The following CNTN5 variants were observed in gnomAD, a reference collection of about 807,000 sequenced individuals.
CNTN5 encodes the protein contactin 5.
A neutral mutation model predicts 129.1 loss-of-function variants in CNTN5; 77 were observed. That is an observed-to-expected ratio of 0.60 (90% CI 0.50 to 0.72). The LOEUF (loss-of-function observed/expected upper bound fraction) is 0.72. Ranked by LOEUF, CNTN5 falls within the 30% of genes least tolerant of loss-of-function variation. The probability of loss-of-function intolerance (pLI) is 0.00; values close to 1 mark genes in which losing one functional copy is unlikely to be tolerated. For synonymous variants in CNTN5, 509 were observed against 465.6 expected, an observed-to-expected ratio of 1.09 and a Z score of -1.20; for missense variants, 1,478 against 1,328.8, an observed-to-expected ratio of 1.11 and a Z score of -1.75.
chr11:99,328,006 A>G (rs2136016187), intron 2 of CNTN5, among the ~76,000 whole-genome samples: 1 of 152,326 alleles, frequency 6.6e-6, no homozygotes, highest in South Asian at 2.1e-4. Context: ...TCATGAAGGG[A>G]AACCTCTAAG....
intron 1 of CNTN5, among the ~76,000 whole-genome samples, chr11:99,107,211 C>T (rs2135370412): frequency 6.6e-6 from 1 of 152,178 alleles, no homozygotes; most frequent in East Asian, 1.9e-4. Context: ...AAATATGTTA[C>T]AACCTTGTTT....
At chr11:99,981,218 C>T (rs1162531339) in intron 8 of CNTN5, among the ~76,000 whole-genome samples, 2 of 151,612 alleles carry the variant, frequency 1.3e-5, no homozygotes, top group Non-Finnish European at 2.9e-5. Context: ...CTGGAATGCT[C>T]ATAGTGTGGC....
intron 3 of CNTN5, among the ~76,000 whole-genome samples, chr11:99,622,837 G>GAAAAAAAAAA (rs139145102): frequency 1.3e-5 from 2 of 149,830 alleles, no homozygotes; most frequent in Non-Finnish European, 1.5e-5. Context: ...TTAGAAAACT[G>GAAAAAAAAAA]AAAAAAAAAG....
chr11:99,338,523 T>A (rs537781217), intron 2 of CNTN5, among the ~76,000 whole-genome samples: 19 of 152,310 alleles, frequency 1.2e-4, no homozygotes, highest in African/African-American at 4.1e-4. Context: ...TGTTGCTGTT[T>A]AATTTTATTT....
intron 1 of CNTN5, among the ~76,000 whole-genome samples, chr11:99,213,054 G>A (rs1262200444): frequency 6.6e-6 from 1 of 151,606 alleles, no homozygotes; most frequent in Non-Finnish European, 1.5e-5. Context: ...AGCTGGGCGT[G>A]GTGGCACACA....
chr11:99,869,424 A>T (rs1414054840), intron 6 of CNTN5, among the ~76,000 whole-genome samples: 2 of 152,186 alleles, frequency 1.3e-5, no homozygotes, highest in Non-Finnish European at 2.9e-5. Context: ...TATATCTTAC[A>T]TTAAAGAGAC....
chr11:100,270,405 T>G (rs1950387672), intron 17 of CNTN5, among the ~76,000 whole-genome samples: 1 of 152,186 alleles, frequency 6.6e-6, no homozygotes, highest in Non-Finnish European at 1.5e-5. Flanking sequence ...TTCTCCACAT[T>G]CTGCCTTTTC....
At chr11:99,833,051 A>G (rs564460921) in intron 4 of CNTN5, among the ~76,000 whole-genome samples, 2 of 152,334 alleles carry the variant, frequency 1.3e-5, no homozygotes, top group East Asian at 3.9e-4. Flanking sequence ...GAGACATGAT[A>G]ATGTTGGGTC....
chr11:99,860,443 T>G (rs1324127565), intron 6 of CNTN5, among the ~76,000 whole-genome samples: 2 of 152,196 alleles, frequency 1.3e-5, no homozygotes, highest in Non-Finnish European at 2.9e-5. Context: ...CTATAGGTCT[T>G]ACATTTAAGT....
intron 3 of CNTN5, among the ~76,000 whole-genome samples, chr11:99,675,115 A>C (rs1380226834): frequency 6.6e-6 from 1 of 152,110 alleles, no homozygotes; most frequent in African/African-American, 2.4e-5. Context: ...TGTTCATCCT[A>C]CTAACTAATT....
At chr11:99,172,670 CAAT>C (rs1861200416) in intron 1 of CNTN5, among the ~76,000 whole-genome samples, 1 of 152,124 alleles carries the variant, frequency 6.6e-6, no homozygotes, top group Non-Finnish European at 1.5e-5. Flanking sequence ...ATAAGCACAA[CAAT>C]GAATCTATAG....
At chr11:99,512,753 G>C (rs1422485718) in intron 2 of CNTN5, among the ~76,000 whole-genome samples, 1 of 151,932 alleles carries the variant, frequency 6.6e-6, no homozygotes, top group Non-Finnish European at 1.5e-5. Context: ...CATATAAGAG[G>C]GTGAACATAA....
chr11:99,210,256 T>TG (rs567614369), intron 1 of CNTN5, among the ~76,000 whole-genome samples: 7 of 152,208 alleles, frequency 4.6e-5, no homozygotes, highest in Non-Finnish European at 1.0e-4. Context: ...TCTTCCATTA[T>TG]TCTCATTTGC....
chr11:100,046,674 G>A (rs1008128647), intron 9 of CNTN5, among the ~76,000 whole-genome samples: 1 of 151,876 alleles, frequency 6.6e-6, no homozygotes, highest in Non-Finnish European at 1.5e-5. Flanking sequence ...ATCAGACTTT[G>A]GATTGTTACC....
chr11:99,146,847 A>G (rs2135477384), intron 1 of CNTN5, among the ~76,000 whole-genome samples: 1 of 152,082 alleles, frequency 6.6e-6, no homozygotes, highest in Middle Eastern at 3.4e-3. Flanking sequence ...TCAGCCTCCC[A>G]AGCAGCTGAG....
intron 1 of CNTN5, among the ~76,000 whole-genome samples, chr11:99,127,870 T>G (rs559539493): frequency 5.9e-5 from 9 of 152,306 alleles, no homozygotes; most frequent in Admixed American, 3.3e-4. Context: ...TGGAGTAAGA[T>G]TCAATAATTT....
chr11:99,322,969 C>T (rs1037853309), intron 1 of CNTN5, among the ~76,000 whole-genome samples: 4 of 152,116 alleles, frequency 2.6e-5, no homozygotes, highest in Admixed American at 2.6e-4. Flanking sequence ...AATAAGACAA[C>T]TTACCTTCTT....
intron 6 of CNTN5, among the ~76,000 whole-genome samples, chr11:99,896,823 G>A (rs900914746): frequency 1.3e-5 from 2 of 152,110 alleles, no homozygotes; most frequent in African/African-American, 4.8e-5. Context: ...GAGGGTTCCT[G>A]CTCTTCCAAT....
chr11:100,132,747 C>T (rs116598148), intron 13 of CNTN5, among the ~76,000 whole-genome samples: 279 of 152,124 alleles, frequency 1.8e-3, no homozygotes, highest in African/African-American at 6.3e-3. Flanking sequence ...CCAAATGGTG[C>T]GCTATGTATT....
Sources: allele counts gnomAD v4.1 joint callset (sites outside exome capture counted in the v4.1 genomes callset), GRCh38; gene constraint gnomAD v4.1.1; transcripts MANE v1.5; gene names NCBI Gene and HGNC (gene_info 2026-07-23, HGNC 2026-07-21).